Variants in CHRM5 observed in about 807,000 individuals in gnomAD.
CHRM5 encodes the protein cholinergic receptor muscarinic 5.
In CHRM5, 18 loss-of-function variants were observed where a neutral mutation model predicts 39.0. That is an observed-to-expected ratio of 0.46 (90% confidence interval 0.32 to 0.68). The LOEUF (loss-of-function observed/expected upper bound fraction) is 0.68. Ranked by LOEUF, CHRM5 falls within the 30% of genes least tolerant of loss-of-function variation. CHRM5 has a pLI of 0.04. For missense variants in CHRM5, 515 were observed against 651.1 expected (o/e 0.79, Z 2.28); for synonymous variants, 241 against 246.3 (o/e 0.98, Z 0.20).
At chr15:34,038,852 G>A in intron 1 of CHRM5, 1 of 1,162,500 alleles carries the variant, frequency 8.6e-7, no homozygotes, top group East Asian at 4.2e-5. Context: ...CTCCTCCTCG[G>A]CCTCCGCGAG....
At chr15:33,982,182 T>C (rs569275492) in intron 1 of CHRM5, among the ~76,000 whole-genome samples, 1 of 152,174 alleles carries the variant, frequency 6.6e-6, no homozygotes, top group South Asian at 2.1e-4. Context: ...TAAGAGTTAT[T>C]TTAACACATT....
chr15:34,042,637 A>G (rs890113509), intron 1 of CHRM5, among the ~76,000 whole-genome samples: 6 of 151,916 alleles, frequency 3.9e-5, no homozygotes, highest in African/African-American at 1.4e-4. Context: ...TCCCGACCTC[A>G]GGTGATCCAT....
intron 2 of CHRM5, among the ~76,000 whole-genome samples, chr15:34,052,485 A>T (rs963465654): frequency 5.3e-5 from 8 of 152,240 alleles, no homozygotes; most frequent in Non-Finnish European, 1.0e-4. Flanking sequence ...TAGTATTCAA[A>T]GTTCTGGCCA....
chr15:34,006,966 AACT>A, intron 1 of CHRM5: 1 of 653,888 alleles, frequency 1.5e-6, no homozygotes, highest in Non-Finnish European at 1.9e-6. Flanking sequence ...ACAAGGTGAA[AACT>A]ATAAAGATAA....
intron 1 of CHRM5, among the ~76,000 whole-genome samples, chr15:34,033,533 A>T (rs1898963715): frequency 6.6e-6 from 1 of 152,186 alleles, no homozygotes; most frequent in Admixed American, 6.5e-5. Context: ...TGCAAATCAA[A>T]ATAACTGTAT....
chr15:34,053,242 G>T (rs1952998111), intron 2 of CHRM5, among the ~76,000 whole-genome samples: 2 of 141,680 alleles, frequency 1.4e-5, no homozygotes, highest in South Asian at 4.5e-4. Flanking sequence ...AGAGGTTGCA[G>T]TGAGCCAAGA....
At chr15:33,969,651 G>C (rs1895543034) in intron 1 of CHRM5, among the ~76,000 whole-genome samples, 1 of 151,940 alleles carries the variant, frequency 6.6e-6, no homozygotes, top group African/African-American at 2.4e-5. Flanking sequence ...TCATACTAAA[G>C]AAAAATAATC....
chr15:34,039,510 AT>A (rs913232796), intron 1 of CHRM5, among the ~76,000 whole-genome samples: 2 of 152,120 alleles, frequency 1.3e-5, no homozygotes, highest in Non-Finnish European at 2.9e-5. Flanking sequence ...AAGTGAGTTA[AT>A]TTTTTTTCCT....
intron 2 of CHRM5, among the ~76,000 whole-genome samples, chr15:34,055,544 G>A (rs149630046): frequency 0.018 from 2,663 of 151,738 alleles, 76 homozygotes; most frequent in African/African-American, 0.062. Context: ...GCTCATGCCT[G>A]TAATCCCAGC....
chr15:34,007,161 G>GAC (rs1320355574), intron 1 of CHRM5: 3 of 449,248 alleles, frequency 6.7e-6, no homozygotes, highest in Admixed American at 6.4e-5. Flanking sequence ...CTTGTCCAAT[G>GAC]ACACACACAC....
rs186802782 is a variant in CHRM5, at chr15:34,058,373, G to C, written c.-75-4270G>C. ...GTTTTGGACTAAGCTCTTGAACTAG[G>C]CTCCAACAAACCAGAATAAAAATCA... On this transcript the variant is annotated intron_variant, in intron 2 of 2. Coordinates refer to ENST00000383263, the MANE Select transcript of CHRM5 (RefSeq NM_012125.4). 6.6e-5 allele frequency among the ~76,000 whole-genome samples: 10 copies of C among 152,020 alleles called. No individual in the cohort carries two copies. The East Asian group carries it at 1.7e-3, about 26-fold the overall frequency.
chr15:33,970,444 T>C (rs1259784090), intron 1 of CHRM5, among the ~76,000 whole-genome samples: 2 of 151,914 alleles, frequency 1.3e-5, no homozygotes, highest in Non-Finnish European at 2.9e-5. Context: ...AAAAAAATGT[T>C]TATTTAGAAA....
intron 1 of CHRM5, among the ~76,000 whole-genome samples, chr15:34,011,150 C>A (rs1338845272): frequency 1.3e-5 from 2 of 152,022 alleles, no homozygotes; most frequent in African/African-American, 4.8e-5. Context: ...TATGATCATG[C>A]CACTGCACTC....
rs181589459 is a variant in CHRM5, at chr15:34,007,423, C to G, written c.-408+38273C>G. ...AGAACTGTACAGAACATAATTCAGC[C>G]AAATTCTCTGCCACTTTCAAACCAG... On this transcript the variant is annotated intron_variant, in intron 1 of 2. Coordinates refer to ENST00000383263, the MANE Select transcript of CHRM5 (RefSeq NM_012125.4). Among the ~76,000 whole-genome samples, 646 of 152,304 alleles carry G rather than the reference C, an allele frequency of 4.2e-3. 6 individuals are homozygous for G. Among genetic ancestry groups the G allele is most frequent in the Middle Eastern group, 0.02 (6 of 294 alleles).
rs1899356610 is a variant in CHRM5 at position 34,039,291 on chromosome 15, G to GTGGT, written c.-407-7248_-407-7245dup. ...AAGGCCGGACCGCTGGGAGCTGGAA[G>GTGGT]TGGTGGGGGTCTGCAGCGGGGCGGG... is the stretch of plus-strand genomic sequence containing the variant. On this transcript the variant is annotated intron_variant, in intron 1 of 2. Coordinates refer to ENST00000383263, the MANE Select transcript of CHRM5 (RefSeq NM_012125.4). 1.7e-5 allele frequency: 3 copies of GTGGT among 172,546 alleles called. No homozygotes were observed. In the South Asian group the frequency reaches 6.0e-4, roughly 34 times the overall value. 10.7% of individuals were successfully genotyped at this position (172,546 alleles called of 1,614,324 possible).
At chr15:33,982,427 A>C (rs1361037536) in intron 1 of CHRM5, among the ~76,000 whole-genome samples, 2 of 152,232 alleles carry the variant, frequency 1.3e-5, no homozygotes, top group Non-Finnish European at 2.9e-5. Context: ...AAAGGAAAAA[A>C]ATAAATGGAA....
At chr15:33,969,879 T>C (rs1000143686) in intron 1 of CHRM5, among the ~76,000 whole-genome samples, 3 of 151,988 alleles carry the variant, frequency 2.0e-5, no homozygotes, top group Non-Finnish European at 4.4e-5. Context: ...TCAAAGGATT[T>C]TAAAAGATAC....
At chr15:33,974,408 C>G (rs1895781994) in intron 1 of CHRM5, among the ~76,000 whole-genome samples, 1 of 152,206 alleles carries the variant, frequency 6.6e-6, no homozygotes, top group South Asian at 2.1e-4. Flanking sequence ...CCCAAGTCAT[C>G]TCTTCTCCTT....
intron 1 of CHRM5, among the ~76,000 whole-genome samples, chr15:33,998,767 C>G (rs762786040): frequency 2.0e-4 from 30 of 152,322 alleles, no homozygotes; most frequent in Non-Finnish European, 4.3e-4. Context: ...ACACTACACT[C>G]TCTGGTTCTT....
Sources: allele counts gnomAD v4.1 joint callset (sites outside exome capture counted in the v4.1 genomes callset), GRCh38; gene constraint gnomAD v4.1.1; transcripts MANE v1.5; gene names NCBI Gene and HGNC (gene_info 2026-07-23, HGNC 2026-07-21).